Variants in RRM2B observed in about 807,000 individuals in gnomAD.
The protein encoded by RRM2B is ribonucleotide reductase regulatory TP53 inducible subunit M2B.
A neutral mutation model predicts 45.9 loss-of-function variants in RRM2B; 20 were observed. The ratio of observed to expected loss-of-function variants is 0.44; its 90% CI spans 0.31 to 0.63. The LOEUF (loss-of-function observed/expected upper bound fraction) is 0.63, where lower values mean the gene tolerates loss of function less well. RRM2B is among the 30% of genes least tolerant of loss of function. The probability of loss-of-function intolerance (pLI) is 0.09; values close to 1 mark genes in which losing one functional copy is unlikely to be tolerated. For missense variants in RRM2B, 320 were observed against 414.7 expected (o/e 0.77, Z 1.98); for synonymous variants, 124 against 132.3 (o/e 0.94, Z 0.43).
At chr8:102,223,194 T>C (rs919181161) in intron 5 of RRM2B, among the ~76,000 whole-genome samples, 1 of 152,182 alleles carries the variant, frequency 6.6e-6, no homozygotes, top group Non-Finnish European at 1.5e-5. Flanking sequence ...GCAACTACTA[T>C]GTATAAGACA....
chr8:102,213,957 T>C, intron 7 of RRM2B, 97 bp downstream of exon 7: 1 of 836,026 alleles, frequency 1.2e-6, no homozygotes, highest in South Asian at 1.4e-5. Flanking sequence ...TTGCTGGTAT[T>C]TTTATTGACC....
chr8:102,229,759 AT>A (rs1563666659), intron 2 of RRM2B, among the ~76,000 whole-genome samples: 1 of 151,868 alleles, frequency 6.6e-6, no homozygotes, highest in African/African-American at 2.4e-5. Flanking sequence ...TAATTTTTGT[AT>A]TTTTACTAGA....
intron 7 of RRM2B, among the ~76,000 whole-genome samples, chr8:102,213,670 T>A (rs1412600800): frequency 6.6e-6 from 1 of 151,986 alleles, no homozygotes; most frequent in Non-Finnish European, 1.5e-5. Context: ...TGCTTCAAGC[T>A]AGGTACCTTG....
intron 4 of RRM2B, 146 bp from the exon 5 acceptor site, chr8:102,224,286 A>T: frequency 1.6e-6 from 1 of 611,424 alleles, no homozygotes; most frequent in South Asian, 1.6e-5. Context: ...GGTTCATGCC[A>T]TTCTCCTGCC....
At position 102,232,245 on chromosome 8, in the gene RRM2B, T is replaced by C; in HGVS notation, c.108A>G (p.Arg36=). 2 of 1,614,162 alleles carry C rather than the reference T, an allele frequency of 1.2e-6. No homozygotes were observed. The highest frequency in any genetic ancestry group is 1.7e-6 in the Non-Finnish European group (2 of 1,179,962). The change falls in exon 2 of 9, where the codon AGA becomes AGG. Residue 36 remains arginine (R), a synonymous_variant. Transcript: ENST00000251810. The part of the protein sequence containing the change: ...EIKSNEEPLL[R]KSSRRFVIFP... ...AGATGACAAACCGGCGAGAACTCTT[T>C]CTTAGGAGTGGCTCTTCATTTGACT...
intron 2 of RRM2B, among the ~76,000 whole-genome samples, chr8:102,230,276 T>C (rs969060041): frequency 2.6e-5 from 4 of 152,252 alleles, no homozygotes; most frequent in African/African-American, 9.6e-5. Flanking sequence ...GTTTGATTTA[T>C]CTTCAAAATA....
chr8:102,211,594 G>C (rs918437604), intron 8 of RRM2B, among the ~76,000 whole-genome samples: 1 of 152,154 alleles, frequency 6.6e-6, no homozygotes, highest in Non-Finnish European at 1.5e-5. Flanking sequence ...TGAGGATATG[G>C]TAATGGGTTA....
chr8:102,223,903 A>G (rs1810878551), intron 5 of RRM2B, 143 bp downstream of exon 5: 2 of 728,182 alleles, frequency 2.7e-6, no homozygotes, highest in South Asian at 2.9e-5. Flanking sequence ...ATTAGGAATA[A>G]TGATTTTGGT....
chr8:102,208,128 G>T lies in RRM2B; in HGVS notation c.*5C>A. On this transcript the variant is annotated 3_prime_UTR_variant, in exon 9 of 9. Coordinates refer to ENST00000251810, the MANE Select transcript of RRM2B (RefSeq NM_015713.5). Reference sequence around the variant, plus strand: ...AGTTTATAGAGTTTTAAAACGAGAGGTTTTTTAAAAATCTGCATCCAAGGT... The same window carrying T: ...AGTTTATAGAGTTTTAAAACGAGAGTTTTTTTAAAAATCTGCATCCAAGGT... 2.5e-6 allele frequency: 4 copies of T among 1,610,448 alleles called. No individual in the cohort carries two copies. Among genetic ancestry groups the T allele is most frequent in the Non-Finnish European group, 3.4e-6 (4 of 1,177,124 alleles).
At position 102,212,827 on chromosome 8, in the gene RRM2B, C is replaced by T; in HGVS notation, c.852G>A (p.Gln284=). 1 of 1,612,128 alleles carries T rather than the reference C, an allele frequency of 6.2e-7. No individual in the cohort carries two copies. The highest frequency in any genetic ancestry group is 1.1e-5 in the South Asian group (1 of 91,042). ...ATCTGTCAGCTACAAACTCAATGTA[C>T]TGTTTCATCAAAATGCAATTCATTC... ...LIGMNCILMK[Q]YIEFVADRLL... The change falls in exon 8 of 9, where the codon CAG becomes CAA. Residue 284 remains glutamine (Q), a synonymous_variant. Coordinates refer to ENST00000251810, the MANE Select transcript of RRM2B (RefSeq NM_015713.5).
At chr8:102,209,658 G>C (rs1778587258) in intron 8 of RRM2B, among the ~76,000 whole-genome samples, 1 of 152,130 alleles carries the variant, frequency 6.6e-6, no homozygotes, top group Middle Eastern at 3.2e-3. Flanking sequence ...ATGAAAACAT[G>C]TCCACACAAA....
At chr8:102,219,038 C>T (rs778270605) in intron 5 of RRM2B, 91 bp from the exon 6 acceptor site, 7 of 1,362,972 alleles carry the variant, frequency 5.1e-6, no homozygotes, top group African/African-American at 1.4e-5. Context: ...AATACCACAA[C>T]TGTTTGCAAA....
intron 5 of RRM2B, among the ~76,000 whole-genome samples, chr8:102,222,080 A>AT (rs5893602): frequency 0.11 from 15,904 of 143,306 alleles, 853 homozygotes; most frequent in Middle Eastern, 0.19. Context: ...TCCTATTTAA[A>AT]TTTTTTTTTT....
At chr8:102,221,735 CTTCTCTGTG>C (rs1810840512) in intron 5 of RRM2B, among the ~76,000 whole-genome samples, 1 of 152,130 alleles carries the variant, frequency 6.6e-6, no homozygotes, top group Non-Finnish European at 1.5e-5. Context: ...GACTGCCAGC[CTTCTCTGTG>C]TTCTCTATTT....
intron 1 of RRM2B, among the ~76,000 whole-genome samples, chr8:102,232,636 A>G (rs1414946252): frequency 6.6e-6 from 1 of 152,248 alleles, no homozygotes; most frequent in African/African-American, 2.4e-5. Flanking sequence ...TAGTTTGAGG[A>G]TAAGTACAAA....
chr8:102,212,894 G>A lies in RRM2B; in HGVS notation c.790-5C>T. ...CAAGGCTTCTGTTAAAAACTCCTGG[G>A]ATGAAAACAAAAACAGAATAAAGTA... On this transcript the variant is annotated splice_polypyrimidine_tract_variant and splice_region_variant and intron_variant, in intron 7 of 8. Transcript: ENST00000251810. The A allele has an allele frequency of 6.9e-7, 1 of 1,453,624 alleles. No individual in the cohort carries two copies. The highest frequency in any genetic ancestry group is 2.3e-5 in the East Asian group (1 of 44,008). 90.0% of individuals were successfully genotyped at this position (1,453,624 alleles called of 1,614,324 possible). A position where few individuals can be genotyped will look rare whatever the true frequency, so the allele number is the denominator to read the frequency against.
At chr8:102,231,309 T>C (rs1252572834) in intron 2 of RRM2B, among the ~76,000 whole-genome samples, 2 of 152,234 alleles carry the variant, frequency 1.3e-5, no homozygotes, top group South Asian at 2.1e-4. Context: ...TCTGTCACGT[T>C]TGATGTAGCT....
chr8:102,231,150 TA>T (rs1563667078), intron 2 of RRM2B, among the ~76,000 whole-genome samples: 1 of 152,206 alleles, frequency 6.6e-6, no homozygotes, highest in Non-Finnish European at 1.5e-5. Context: ...ATCAAGACAA[TA>T]ACTATTTGTT....
In RRM2B at chr8:102,206,738, T is replaced by C. The variant is rs533476352; in HGVS notation, c.*1395A>G. Reference sequence around the variant, plus strand: ...GGTCTAACTCTAACTAGGCTCAGGCTACCTCTTGATACTTACTAAAAATAA... The same window carrying C: ...GGTCTAACTCTAACTAGGCTCAGGCCACCTCTTGATACTTACTAAAAATAA... On this transcript the variant is annotated 3_prime_UTR_variant, in exon 9 of 9. Transcript: ENST00000251810. 4 of 152,306 alleles carry C rather than the reference T, an allele frequency of 2.6e-5. 1 individual carries two copies. In the South Asian group the frequency reaches 8.3e-4, roughly 32 times the overall value. 9.4% of individuals were successfully genotyped at this position (152,306 alleles called of 1,614,324 possible).
Sources: allele counts gnomAD v4.1 joint callset (sites outside exome capture counted in the v4.1 genomes callset), GRCh38; gene constraint gnomAD v4.1.1; transcripts MANE v1.5; gene names NCBI Gene and HGNC (gene_info 2026-07-23, HGNC 2026-07-21).